The following HNF4A variants were observed in gnomAD, a reference collection of about 807,000 sequenced individuals.
The protein encoded by HNF4A is hepatocyte nuclear factor 4-alpha.
A neutral mutation model predicts 52.4 loss-of-function variants in HNF4A; 15 were observed. The observed-to-expected ratio is 0.29, with a 90% CI of 0.19 to 0.44. The LOEUF (loss-of-function observed/expected upper bound fraction) is 0.44. Ranked by LOEUF, HNF4A falls within the 20% of genes least tolerant of loss-of-function variation. HNF4A has a pLI of 1.00. For missense variants in HNF4A, 479 were observed against 647.2 expected, an observed-to-expected ratio of 0.74 and a Z score of 2.82; for synonymous variants, 280 against 264.4, an observed-to-expected ratio of 1.06 and a Z score of -0.57.
intron 1 of HNF4A, among the ~76,000 whole-genome samples, chr20:44,404,488 CTG>C (rs967684979): frequency 6.6e-6 from 1 of 150,438 alleles, no homozygotes; most frequent in South Asian, 2.1e-4. Context: ...GTGTGTGTGT[CTG>C]TGTATGTGTG....
At chr20:44,404,230 T>C (rs1412643685) in intron 1 of HNF4A, among the ~76,000 whole-genome samples, 3 of 152,196 alleles carry the variant, frequency 2.0e-5, no homozygotes, top group Non-Finnish European at 4.4e-5. Context: ...ATTCACCGAA[T>C]CCCCATAACG....
chr20:44,407,397 G>C lies in HNF4A; in HGVS notation c.307G>C (p.Val103Leu). Residue 103 changes from valine (V) to leucine (L), a missense_variant, in exon 3 of 10, where the codon GTG (valine) becomes CTG (leucine). By Grantham distance (32) the Val-to-Leu change is conservative (BLOSUM62 1). Coordinates refer to ENST00000316099, the MANE Select transcript of HNF4A (RefSeq NM_000457.6). The stretch of plus-strand genomic sequence containing the variant: ...CCTCCCCAGATTTAGCCGGCAGTGC[G>C]TGGTGGACAAAGACAAGAGGAACCA... The C allele has an allele frequency of 6.2e-7, 1 of 1,610,836 alleles. No homozygotes were observed. The highest frequency in any genetic ancestry group is 2.2e-5 in the East Asian group (1 of 44,804).
intron 1 of HNF4A, among the ~76,000 whole-genome samples, chr20:44,373,586 C>T (rs2063055322): frequency 6.6e-6 from 1 of 152,128 alleles, no homozygotes; most frequent in African/African-American, 2.4e-5. Context: ...TAAAACCAAA[C>T]CCCTAAAAAG....
chr20:44,420,764 G>C (rs972093375), intron 7 of HNF4A, among the ~76,000 whole-genome samples: 1 of 152,146 alleles, frequency 6.6e-6, no homozygotes, highest in Non-Finnish European at 1.5e-5. Context: ...GCTGCTGTGA[G>C]ATGTGATTGC....
At chr20:44,366,781 T>A (rs1354541085) in intron 1 of HNF4A, among the ~76,000 whole-genome samples, 1 of 152,190 alleles carries the variant, frequency 6.6e-6, no homozygotes, top group African/African-American at 2.4e-5. Flanking sequence ...ATATAAAATA[T>A]CTTTTAAAAA....
chr20:44,405,915 GT>G (rs1403266194), intron 1 of HNF4A, 142 bp from the exon 2 acceptor site: 1 of 796,862 alleles, frequency 1.3e-6, no homozygotes, highest in African/African-American at 1.7e-5. Context: ...AAGTCAGGAG[GT>G]CACTGAGTGG....
intron 1 of HNF4A, chr20:44,390,523 G>A (rs974097281): frequency 1.5e-6 from 1 of 677,954 alleles, no homozygotes; most frequent in East Asian, 2.7e-5. Context: ...AGTATTAAGG[G>A]ATTAACTCTG....
At chr20:44,424,525 C>CTG (rs1035658534) in intron 8 of HNF4A, 32 of 1,042,276 alleles carry the variant, frequency 3.1e-5, no homozygotes, top group East Asian at 2.1e-4. Flanking sequence ...CTCGGGGAGG[C>CTG]TGTGTGTGTG....
At chr20:44,378,834 G>T (rs951572584) in intron 1 of HNF4A, among the ~76,000 whole-genome samples, 1 of 150,862 alleles carries the variant, frequency 6.6e-6, no homozygotes, top group Non-Finnish European at 1.5e-5. Flanking sequence ...CAGGAGACTC[G>T]CTTGAACCCG....
At chr20:44,366,811 G>A (rs1165708646) in intron 1 of HNF4A, among the ~76,000 whole-genome samples, 5 of 152,062 alleles carry the variant, frequency 3.3e-5, no homozygotes, top group African/African-American at 1.2e-4. Flanking sequence ...ATCTTCAAAA[G>A]AAAGGAAAAC....
chr20:44,409,808 T>C (rs1214810768), intron 3 of HNF4A, among the ~76,000 whole-genome samples: 6 of 150,216 alleles, frequency 4.0e-5, no homozygotes. Context: ...CACTGCCCAC[T>C]AGGATGGGTG....
At chr20:44,360,918 T>C (rs1282598022) in intron 1 of HNF4A, among the ~76,000 whole-genome samples, 1 of 152,186 alleles carries the variant, frequency 6.6e-6, no homozygotes, top group African/African-American at 2.4e-5. Context: ...GAAGATTCCA[T>C]GAGCTAATGA....
intron 1 of HNF4A, among the ~76,000 whole-genome samples, chr20:44,363,700 T>A (rs1238014077): frequency 3.4e-5 from 5 of 146,102 alleles, no homozygotes; most frequent in Non-Finnish European, 7.5e-5. Context: ...TGTTTCTCCA[T>A]CTACTCTTTT....
At chr20:44,367,921 A>C (rs2062986544) in intron 1 of HNF4A, among the ~76,000 whole-genome samples, 1 of 151,678 alleles carries the variant, frequency 6.6e-6, no homozygotes, top group Non-Finnish European at 1.5e-5. Context: ...GCGGAGCTAG[A>C]ATTCAACATC....
intron 1 of HNF4A, among the ~76,000 whole-genome samples, chr20:44,371,138 C>T (rs1296269667): frequency 1.3e-5 from 2 of 152,186 alleles, no homozygotes; most frequent in Non-Finnish European, 2.9e-5. Context: ...CAGGGCTCAG[C>T]GCTGGGAGCA....
intron 1 of HNF4A, among the ~76,000 whole-genome samples, chr20:44,381,113 A>C (rs2063147533): frequency 6.6e-6 from 1 of 152,162 alleles, no homozygotes; most frequent in East Asian, 1.9e-4. Flanking sequence ...GCTTGGGCTT[A>C]ATACTTCCAA....
chr20:44,427,024 C>A (rs1483029965), intron 8 of HNF4A, among the ~76,000 whole-genome samples: 1 of 152,200 alleles, frequency 6.6e-6, no homozygotes, highest in Non-Finnish European at 1.5e-5. Flanking sequence ...AACATTGGTA[C>A]TATTGATACT....
At chr20:44,382,910 T>C (rs1252975522) in intron 1 of HNF4A, among the ~76,000 whole-genome samples, 1 of 152,226 alleles carries the variant, frequency 6.6e-6, no homozygotes, top group Non-Finnish European at 1.5e-5. Context: ...GACTCACGTC[T>C]GTAATCCCAA....
intron 1 of HNF4A, among the ~76,000 whole-genome samples, chr20:44,359,972 A>G (rs1402591444): frequency 6.6e-6 from 1 of 152,142 alleles, no homozygotes; most frequent in Admixed American, 6.5e-5. Flanking sequence ...TCCTGGCCTT[A>G]TTACTTTTCT....
Sources: gnomAD v4.1 joint callset for allele counts (sites outside exome capture counted in the v4.1 genomes callset) on GRCh38, gnomAD v4.1.1 for gene constraint, MANE v1.5 for transcripts, NCBI Gene and HGNC (gene_info 2026-07-23, HGNC 2026-07-21) for gene names.